The following GRIN2A variants were observed in gnomAD, a reference collection of about 807,000 sequenced individuals.
GRIN2A encodes glutamate receptor ionotropic, NMDA 2A.
Under a neutral mutation model 113.4 loss-of-function variants are expected in GRIN2A, and 22 were observed. That is an observed-to-expected ratio of 0.19 (90% CI 0.14 to 0.28). GRIN2A has a LOEUF of 0.28. Ranked by LOEUF, GRIN2A falls within the 10% of genes least tolerant of loss-of-function variation. The pLI is 1.00. For synonymous variants in GRIN2A, 827 were observed against 738.4 expected (o/e 1.12, Z -1.94); for missense variants, 1,502 against 1,887.0 (o/e 0.80, Z 3.78).
In GRIN2A at chr16:9,763,255, G is replaced by C; in HGVS notation, c.4289C>G (p.Pro1430Arg). 1 of 1,614,104 alleles carries C rather than the reference G, an allele frequency of 6.2e-7. No homozygotes were observed. Among genetic ancestry groups the C allele is most frequent in the East Asian group, 2.2e-5 (1 of 44,868 alleles). The change falls in exon 13 of 13, where the codon CCT becomes CGT. Residue 1430 changes from proline (P) to arginine (R), a missense_variant. Physicochemically the swap from Pro to Arg is moderately radical, Grantham distance 103. Coordinates refer to ENST00000330684, the MANE Select transcript of GRIN2A (RefSeq NM_001134407.3). ...NDVYISEHVM[P>R]YAANKNNMYS... The stretch of plus-strand genomic sequence containing the variant: ...CATATTATTCTTATTTGCAGCATAA[G>C]GCATAACATGCTCCGAAATATACAC...
chr16:10,042,786 A>G (rs916057754), intron 2 of GRIN2A, among the ~76,000 whole-genome samples: 2 of 152,128 alleles, frequency 1.3e-5, no homozygotes, highest in African/African-American at 4.8e-5. Flanking sequence ...CTCACACCTA[A>G]GGGGGCCATA....
intron 2 of GRIN2A, among the ~76,000 whole-genome samples, chr16:10,018,950 A>C (rs2046662476): frequency 6.6e-6 from 1 of 151,502 alleles, no homozygotes; most frequent in South Asian, 2.1e-4. Context: ...CTCAGACCCC[A>C]CTTTTTCTCC....
chr16:9,975,093 T>C lies in GRIN2A; in HGVS notation c.415-36542A>G, dbSNP rs144743146. ...AAAGTATTAAAATTTTTAAATAATT[T>C]TCTGCATCTATTAAGATAATTCTGC... is the stretch of plus-strand genomic sequence containing the variant. On this transcript the variant is annotated intron_variant, in intron 2 of 12. Coordinates refer to ENST00000330684, the MANE Select transcript of GRIN2A (RefSeq NM_001134407.3). Among the ~76,000 whole-genome samples, 756 of 152,324 alleles carry C rather than the reference T, an allele frequency of 5.0e-3. 9 individuals are homozygous for C. The highest frequency in any genetic ancestry group is 0.017 in the African/African-American group (694 of 41,556).
chr16:9,970,498 G>A (rs1293451695), intron 2 of GRIN2A, among the ~76,000 whole-genome samples: 2 of 152,116 alleles, frequency 1.3e-5, no homozygotes, highest in Non-Finnish European at 2.9e-5. Flanking sequence ...ATAAAGATAC[G>A]ATAGATCTGC....
At chr16:9,924,255 AT>A (rs1028705766) in intron 3 of GRIN2A, among the ~76,000 whole-genome samples, 3 of 151,548 alleles carry the variant, frequency 2.0e-5, no homozygotes, top group African/African-American at 7.3e-5. Flanking sequence ...TTCATTTAAT[AT>A]TTTTTTGTAA....
rs1360668986 is a variant in GRIN2A at position 10,111,491 on chromosome 16, T to C, written c.414+68507A>G. 3.4e-5 allele frequency: 23 copies of C among 673,350 alleles called. No homozygotes were observed. In the East Asian group the frequency reaches 5.9e-4, roughly 17 times the overall value. The allele number at this position is 673,350 out of a possible 1,614,324, so 41.7% of individuals were successfully genotyped here. ...TGCCGCACCCACAACAACTTCCTGA[T>C]TCTCCCATGGTTCATAGATTTCATA... On this transcript the variant is annotated intron_variant, in intron 2 of 12. Coordinates refer to ENST00000330684, the MANE Select transcript of GRIN2A (RefSeq NM_001134407.3).
At chr16:10,130,010 G>C (rs183741017) in intron 2 of GRIN2A, among the ~76,000 whole-genome samples, 1 of 152,332 alleles carries the variant, frequency 6.6e-6, no homozygotes, top group African/African-American at 2.4e-5. Context: ...AAGAGGGAGA[G>C]AGAAATCAAA....
intron 10 of GRIN2A, among the ~76,000 whole-genome samples, chr16:9,815,317 T>A (rs1209248299): frequency 2.7e-5 from 4 of 148,268 alleles, no homozygotes; most frequent in Non-Finnish European, 5.9e-5. Flanking sequence ...TATAAAAAGG[T>A]AACCCATGGA....
intron 2 of GRIN2A, among the ~76,000 whole-genome samples, chr16:10,094,019 T>C (rs1346798670): frequency 1.3e-5 from 2 of 152,174 alleles, no homozygotes; most frequent in African/African-American, 2.4e-5. Flanking sequence ...ATGTCTCCTG[T>C]CCTCCTACTC....
At chr16:10,062,999 A>G (rs1050148834) in intron 2 of GRIN2A, among the ~76,000 whole-genome samples, 3 of 152,234 alleles carry the variant, frequency 2.0e-5, no homozygotes, top group African/African-American at 2.4e-5. Context: ...GGTGGATTGG[A>G]TAAAGAAAAT....
At chr16:10,039,720 C>T (rs2047107657) in intron 2 of GRIN2A, among the ~76,000 whole-genome samples, 1 of 148,618 alleles carries the variant, frequency 6.7e-6, no homozygotes, top group African/African-American at 2.5e-5. Context: ...TGGGCAGAAG[C>T]CCCCTCCCTC....
rs1050740596 is a variant in GRIN2A, at chr16:9,850,113, C to A, written c.1123-152G>T. On this transcript the variant is annotated intron_variant, in intron 4 of 12. Coordinates refer to ENST00000330684, the MANE Select transcript of GRIN2A (RefSeq NM_001134407.3). ...GCATCTACTTCTGTGCTAAGACAAA[C>A]GGGCATAAAGAGAAAACAGAATATA... 3 of 725,884 alleles carry A rather than the reference C, an allele frequency of 4.1e-6. No individual in the cohort carries two copies. In the East Asian group the frequency reaches 8.1e-5, roughly 19 times the overall value. 45.0% of individuals were successfully genotyped at this position (725,884 alleles called of 1,614,324 possible). A position where few individuals can be genotyped will look rare whatever the true frequency, so the allele number is the denominator to read the frequency against.
intron 2 of GRIN2A, among the ~76,000 whole-genome samples, chr16:10,065,006 T>G (rs2047620908): frequency 6.6e-6 from 1 of 152,140 alleles, no homozygotes; most frequent in South Asian, 2.1e-4. Context: ...CATATGCAGA[T>G]AAATGAAAGA....
intron 2 of GRIN2A, among the ~76,000 whole-genome samples, chr16:10,123,626 A>C (rs1208892606): frequency 6.6e-6 from 1 of 152,166 alleles, no homozygotes; most frequent in African/African-American, 2.4e-5. Flanking sequence ...TCTTGTTAAG[A>C]GGCAGATTCT....
chr16:9,939,323 G>A (rs910184489), intron 2 of GRIN2A, among the ~76,000 whole-genome samples: 1 of 152,162 alleles, frequency 6.6e-6, no homozygotes, highest in Non-Finnish European at 1.5e-5. Context: ...TATCTCAGAA[G>A]CTGTAGATGA....
intron 2 of GRIN2A, among the ~76,000 whole-genome samples, chr16:10,088,213 TAG>T (rs1471781912): frequency 6.6e-6 from 1 of 152,144 alleles, no homozygotes; most frequent in Non-Finnish European, 1.5e-5. Flanking sequence ...GAGCCTCTGT[TAG>T]AGTCTCCCAG....
intron 2 of GRIN2A, among the ~76,000 whole-genome samples, chr16:10,030,247 C>T (rs140622217): frequency 6.6e-6 from 1 of 152,196 alleles, no homozygotes. Context: ...AATATTACTG[C>T]ATTTCTCTCA....
chr16:10,042,968 C>T (rs2047192626), intron 2 of GRIN2A, among the ~76,000 whole-genome samples: 1 of 152,170 alleles, frequency 6.6e-6, no homozygotes, highest in Non-Finnish European at 1.5e-5. Flanking sequence ...ATCCATCAGT[C>T]CCCAACTTTG....
chr16:10,159,870 A>T (rs1022837537), intron 2 of GRIN2A, among the ~76,000 whole-genome samples: 2 of 152,218 alleles, frequency 1.3e-5, no homozygotes, highest in African/African-American at 4.8e-5. Context: ...ACCCACCCAA[A>T]GAAGGCCAGA....
Sources: allele counts gnomAD v4.1 joint callset (sites outside exome capture counted in the v4.1 genomes callset), GRCh38; gene constraint gnomAD v4.1.1; transcripts MANE v1.5; gene names NCBI Gene and HGNC (gene_info 2026-07-23, HGNC 2026-07-21).